EEF1D: variants seen among roughly 807,000 people sequenced by gnomAD.
EEF1D encodes the protein elongation factor 1-delta.
Under a neutral mutation model 63.9 loss-of-function variants are expected in EEF1D, and 47 were observed. That is an observed-to-expected ratio of 0.74 (90% CI 0.58 to 0.94). The LOEUF (loss-of-function observed/expected upper bound fraction) is 0.94. Ranked by LOEUF, EEF1D falls within the 40% of genes least tolerant of loss-of-function variation. The pLI, the probability that EEF1D is intolerant of heterozygous loss-of-function variation, is 0.00. For synonymous variants in EEF1D, 412 were observed against 386.1 expected (o/e 1.07, Z -0.79); for missense variants, 907 against 899.0 (o/e 1.01, Z -0.11).
intron 5 of EEF1D, among the ~76,000 whole-genome samples, chr8:143,585,306 G>A (rs1412639725): frequency 6.6e-6 from 1 of 152,206 alleles, no homozygotes; most frequent in Non-Finnish European, 1.5e-5. Flanking sequence ...CGAGATGGAA[G>A]TGGAGGCGGG....
rs776384176 is a variant in EEF1D, at chr8:143,581,276, A to C, written c.1340T>G (p.Val447Gly). 7.4e-6 allele frequency: 12 copies of C among 1,612,496 alleles called. No homozygotes were observed. In the Admixed American group the frequency reaches 1.8e-4, roughly 25 times the overall value. ...SGTSGDHGEL[V>G]VRIASLEVEN... ...CACTTCCAGACTGGCAATCCGGACG[A>C]CGAGCTCACCGTGGTCTCCGCTGGT... Residue 447 changes from valine to glycine, a missense_variant, in exon 6 of 10, where the codon GTC becomes GGC. Physicochemically the swap from Val to Gly is moderately radical, Grantham distance 109 (BLOSUM62 -3). Coordinates refer to ENST00000618139, the MANE Select transcript of EEF1D (RefSeq NM_001130053.5).
chr8:143,592,342 A>T (rs1302093052), intron 2 of EEF1D: 2 of 926,438 alleles, frequency 2.2e-6, no homozygotes, highest in Non-Finnish European at 2.6e-6. Flanking sequence ...CCGCTCAGGG[A>T]GGGGAAGCCA....
chr8:143,590,143 A>AGCCCCGTGCCCACCC, intron 2 of EEF1D, 62 bp from the exon 3 acceptor site: 2 of 1,596,188 alleles, frequency 1.3e-6, no homozygotes, highest in South Asian at 2.2e-5. Flanking sequence ...GGGTGGCCGC[A>AGCCCCGTGCCCACCC]GCCCCGTGCC....
At chr8:143,585,882 C>T (rs1334444131) in intron 5 of EEF1D, 2 of 344,818 alleles carry the variant, frequency 5.8e-6, no homozygotes, top group African/African-American at 2.1e-5. Flanking sequence ...CACAGTCCTG[C>T]CACAGGGAGC....
intron 1 of EEF1D, among the ~76,000 whole-genome samples, chr8:143,594,688 C>A (rs899434424): frequency 6.6e-6 from 1 of 152,234 alleles, no homozygotes; most frequent in African/African-American, 2.4e-5. Context: ...CCTGTGCACG[C>A]CCACCCCTCC....
intron 1 of EEF1D, chr8:143,596,461 A>G (rs1828842308): frequency 6.6e-6 from 1 of 152,302 alleles, no homozygotes; most frequent in African/African-American, 2.4e-5. Context: ...GAAGTAACCA[A>G]CTGCCTGCGA....
chr8:143,590,430 A>C, intron 2 of EEF1D: 2 of 708,446 alleles, frequency 2.8e-6, no homozygotes, highest in Admixed American at 3.6e-5. Flanking sequence ...TACACTAAAA[A>C]TTTTTCGTCA....
Position 143,580,508 on chromosome 8 carries a change from G to A in EEF1D, c.1708C>T (p.Pro570Ser), listed in dbSNP as rs1825235886. Residue 570 changes from proline (P) to serine (S), a missense_variant and splice_region_variant, in exon 8 of 10, where the codon CCT becomes TCT. Physicochemically the swap from Pro to Ser is moderately conservative, Grantham distance 74. Coordinates refer to ENST00000618139, the MANE Select transcript of EEF1D (RefSeq NM_001130053.5). Reference protein sequence around the residue: ...AKSSILLDVKPWDDETDMAQL... With the variant: ...AKSSILLDVKSWDDETDMAQL... ...GAAGCCCCACCCCGCCCACTCACAG[G>A]CTTGACATCCAGCAGGATGGAGGAC... 6.2e-7 allele frequency: 1 copy of A among 1,611,778 alleles called. No homozygotes were observed. Among genetic ancestry groups the A allele is most frequent in the South Asian group, 1.1e-5 (1 of 91,044 alleles).
intron 1 of EEF1D, among the ~76,000 whole-genome samples, chr8:143,595,567 T>G (rs1828658198): frequency 6.6e-6 from 1 of 152,230 alleles, no homozygotes; most frequent in African/African-American, 2.4e-5. Flanking sequence ...CACTTTCCTG[T>G]CTGACCCCTG....
At chr8:143,581,379 C>G in intron 5 of EEF1D, 51 bp from the exon 6 acceptor site, 1 of 1,535,188 alleles carries the variant, frequency 6.5e-7, no homozygotes, top group Non-Finnish European at 8.9e-7. Flanking sequence ...CTCCTAGGGT[C>G]CCCCTGCCAT....
chr8:143,591,786 C>A (rs79185314), intron 2 of EEF1D, among the ~76,000 whole-genome samples: 9,620 of 152,344 alleles, frequency 0.063, 373 homozygotes, highest in Middle Eastern at 0.088. Flanking sequence ...GTCTTCGCCC[C>A]TCTTCTAACA....
intron 5 of EEF1D, chr8:143,585,968 G>T (rs1409456441): frequency 8.7e-6 from 4 of 458,038 alleles, no homozygotes; most frequent in African/African-American, 2.0e-5. Context: ...CTCCCAGCCG[G>T]CCCCACAGGA....
Position 143,589,762 on chromosome 8 carries a change from G to A in EEF1D, c.320C>T (p.Ser107Leu), listed in dbSNP as rs375424802. Residue 107 changes from serine (S) to leucine (L), a missense_variant, in exon 3 of 10, where the codon TCG (serine) becomes TTG (leucine). By Grantham distance (145) the Ser-to-Leu change is moderately radical (BLOSUM62 -2). Transcript: ENST00000618139. Reference sequence around the variant, plus strand: ...CTTGTCCAGCCACACGCGTTCGGCCGAGAGGCCCAGGAGGGCCAGGTCCGC... The same window carrying A: ...CTTGTCCAGCCACACGCGTTCGGCCAAGAGGCCCAGGAGGGCCAGGTCCGC... ...GPADLALLGLSAERVWLDKSL... is the reference protein window; with the variant it reads ...GPADLALLGLLAERVWLDKSL... 3.6e-5 allele frequency: 56 copies of A among 1,540,816 alleles called. No homozygotes were observed. Among genetic ancestry groups the A allele is most frequent in the Admixed American group, 6.3e-5 (3 of 47,894 alleles).
intron 2 of EEF1D, 36 bp downstream of exon 2, chr8:143,592,611 A>C: frequency 1.0e-6 from 1 of 985,542 alleles, no homozygotes. Flanking sequence ...CGGTCAAATG[A>C]AGGGGAATGG....
At chr8:143,581,431 G>A (rs866529766) in intron 5 of EEF1D, 103 bp from the exon 6 acceptor site, 16 of 1,059,834 alleles carry the variant, frequency 1.5e-5, no homozygotes, top group East Asian at 7.8e-5. Context: ...ACTACAGCTC[G>A]GGAGAGCAGG....
intron 7 of EEF1D, 70 bp from the exon 8 acceptor site, chr8:143,580,797 C>G: frequency 6.6e-7 from 1 of 1,523,776 alleles, no homozygotes; most frequent in Non-Finnish European, 9.0e-7. Flanking sequence ...GCCTGGCCAC[C>G]TCCTGGCCCT....
intron 1 of EEF1D, among the ~76,000 whole-genome samples, chr8:143,593,112 G>C (rs1312679059): frequency 1.3e-5 from 2 of 152,166 alleles, no homozygotes; most frequent in Non-Finnish European, 2.9e-5. Context: ...CCTGTGTCCG[G>C]TCTGCTGAAG....
intron 1 of EEF1D, chr8:143,596,333 G>A (rs1378700870): frequency 6.6e-6 from 1 of 152,282 alleles, no homozygotes; most frequent in East Asian, 1.9e-4. Flanking sequence ...CATGTGGTGA[G>A]AAGGCGAAGG....
At chr8:143,580,461 C>G (rs762652952) in intron 8 of EEF1D, 45 bp downstream of exon 8, 2 of 1,588,960 alleles carry the variant, frequency 1.3e-6, no homozygotes, top group South Asian at 2.2e-5. Flanking sequence ...TAGGCGGGCA[C>G]CAGGGCAGTG....
Sources: allele counts gnomAD v4.1 joint callset (sites outside exome capture counted in the v4.1 genomes callset), GRCh38; gene constraint gnomAD v4.1.1; transcripts MANE v1.5; gene names NCBI Gene and HGNC (gene_info 2026-07-23, HGNC 2026-07-21).